The following SLC16A1 variants were observed in gnomAD, a reference collection of about 807,000 sequenced individuals.
The protein encoded by SLC16A1 is monocarboxylate transporter 1.
SLC16A1 carries 11 observed loss-of-function variants against 32.2 expected under a neutral mutation model. The ratio of observed to expected loss-of-function variants is 0.34; its 90% CI spans 0.21 to 0.56. The LOEUF is 0.56. Ranked by LOEUF, SLC16A1 falls within the 20% of genes least tolerant of loss-of-function variation. The pLI is 0.87. For synonymous variants in SLC16A1, 231 were observed against 226.8 expected (o/e 1.02, Z -0.17); for missense variants, 435 against 615.0 (o/e 0.71, Z 3.10).
At chr1:112,940,039 ATTTTTTTTTTTTTT>A (rs55864843) in intron 1 of SLC16A1, among the ~76,000 whole-genome samples, 1 of 108,616 alleles carries the variant, frequency 9.2e-6, no homozygotes, top group Non-Finnish European at 1.9e-5. Flanking sequence ...CTGATGGGTG[ATTTTTTTTTTTTTT>A]TTTTTTTTTT....
chr1:112,917,409 A>G lies in SLC16A1; in HGVS notation c.997T>C (p.Phe333Leu). Residue 333 changes from phenylalanine to leucine, a missense_variant, in exon 4 of 5, where the codon TTT becomes CTT. Physicochemically the swap from Phe to Leu is conservative, Grantham distance 22. Transcript: ENST00000369626. This position sits in a 1 kb window ranked among gnomAD's most constrained non-coding sequence, Gnocchi z 4.1. ...CCATTTGCAACAACGGAAGCCGCAAAGAAATACTGAATTCGAGGTCTTATT... is the reference window on the plus strand; with the variant it reads ...CCATTTGCAACAACGGAAGCCGCAAGGAAATACTGAATTCGAGGTCTTATT... ...KPIRPRIQYF[F>L]AASVVANGVC... 1 of 1,614,280 alleles carries G rather than the reference A, an allele frequency of 6.2e-7. No individual in the cohort carries two copies. The highest frequency in any genetic ancestry group is 8.5e-7 in the Non-Finnish European group (1 of 1,180,054).
intron 3 of SLC16A1, among the ~76,000 whole-genome samples, chr1:112,920,135 TTTC>T (rs1353511086): frequency 6.6e-6 from 1 of 152,226 alleles, no homozygotes; most frequent in Admixed American, 6.5e-5. Flanking sequence ...TAGAGTTATA[TTTC>T]TTTTTTCTCA....
At chr1:112,924,214 T>C (rs977661952) in intron 2 of SLC16A1, 3 of 1,518,042 alleles carry the variant, frequency 2.0e-6, no homozygotes, top group Non-Finnish European at 2.7e-6. Flanking sequence ...ATCCTGGGCA[T>C]GTCCAGCTTG....
intron 4 of SLC16A1, among the ~76,000 whole-genome samples, chr1:112,914,479 T>C (rs866558377): frequency 1.3e-5 from 2 of 152,216 alleles, no homozygotes; most frequent in Admixed American, 1.3e-4. Context: ...GAAATAAGTG[T>C]TGCTAAAAGA....
chr1:112,952,685 C>T (rs1649938890), intron 1 of SLC16A1, among the ~76,000 whole-genome samples: 1 of 152,076 alleles, frequency 6.6e-6, no homozygotes, highest in African/African-American at 2.4e-5. Context: ...AGAGAGAAAT[C>T]GTGTCGCTCA....
chr1:112,938,795 T>TA (rs1385867520), intron 1 of SLC16A1, among the ~76,000 whole-genome samples: 11 of 152,208 alleles, frequency 7.2e-5, no homozygotes, highest in South Asian at 2.1e-4. Context: ...TTATAATCCC[T>TA]AAAAAAATCA....
intron 1 of SLC16A1, among the ~76,000 whole-genome samples, chr1:112,949,271 A>G (rs1649808203): frequency 6.6e-6 from 1 of 151,868 alleles, no homozygotes; most frequent in Non-Finnish European, 1.5e-5. Context: ...CTGGTCTCGA[A>G]CTCTCAACCT....
chr1:112,947,363 C>T (rs1308065279), intron 1 of SLC16A1, among the ~76,000 whole-genome samples: 2 of 152,022 alleles, frequency 1.3e-5, no homozygotes, highest in South Asian at 4.2e-4. Flanking sequence ...AATGAGTATT[C>T]GAATATATTA....
intron 2 of SLC16A1, 138 bp from the exon 3 acceptor site, chr1:112,922,271 C>T (rs919033979): frequency 2.5e-6 from 2 of 791,144 alleles, no homozygotes; most frequent in African/African-American, 1.7e-5. Flanking sequence ...ATAATTACTT[C>T]TGAGTCACAT....
intron 1 of SLC16A1, among the ~76,000 whole-genome samples, chr1:112,946,584 C>A (rs1179591475): frequency 6.6e-6 from 1 of 152,176 alleles, no homozygotes; most frequent in South Asian, 2.1e-4. Flanking sequence ...GAGGGAGTCT[C>A]GCTCTGTCGC....
intron 4 of SLC16A1, among the ~76,000 whole-genome samples, chr1:112,916,355 G>T (rs1257291137): frequency 6.6e-6 from 1 of 151,322 alleles, no homozygotes; most frequent in Non-Finnish European, 1.5e-5. Flanking sequence ...AAAATTAGCT[G>T]GGCATGGTGG....
At chr1:112,915,464 TG>T (rs773249077) in intron 4 of SLC16A1, among the ~76,000 whole-genome samples, 2 of 152,158 alleles carry the variant, frequency 1.3e-5, no homozygotes, top group Non-Finnish European at 2.9e-5. Context: ...GAAGGACAGC[TG>T]GGGCCAGCCC....
At chr1:112,952,648 T>C (rs1233427462) in intron 1 of SLC16A1, among the ~76,000 whole-genome samples, 1 of 152,184 alleles carries the variant, frequency 6.6e-6, no homozygotes, top group East Asian at 1.9e-4. Context: ...AGTAATCCAG[T>C]AGGGTCTGGG....
chr1:112,921,977 A>G lies in SLC16A1; in HGVS notation c.361+13T>C, dbSNP rs776251448. Reference sequence around the variant, plus strand: ...ATAAACTAATGCTTCCAAATGAATCAGTAGTAACTCACCTCCAATGACTCC... The same window carrying G: ...ATAAACTAATGCTTCCAAATGAATCGGTAGTAACTCACCTCCAATGACTCC... On this transcript the variant is annotated intron_variant, in intron 3 of 4. Coordinates refer to ENST00000369626, the MANE Select transcript of SLC16A1 (RefSeq NM_003051.4). 6.2e-7 allele frequency: 1 copy of G among 1,614,092 alleles called. No individual in the cohort carries two copies. The highest frequency in any genetic ancestry group is 8.5e-7 in the Non-Finnish European group (1 of 1,179,950).
chr1:112,923,314 C>T, intron 2 of SLC16A1: 2 of 421,590 alleles, frequency 4.7e-6, no homozygotes, highest in South Asian at 2.1e-5. Flanking sequence ...GTCTCAAAAA[C>T]AAACAAACAG....
At chr1:112,924,351 CG>C in intron 2 of SLC16A1, 2 of 1,290,678 alleles carry the variant, frequency 1.5e-6, no homozygotes. Flanking sequence ...CTAGGCCCAT[CG>C]TTTCTCAGGT....
Position 112,918,020 on chromosome 1 carries a change from T to A in SLC16A1, c.386A>T (p.Asn129Ile). ...IGGLGLAFNL[N>I]PALTMIGKYF... Reference sequence around the variant, plus strand: ...CTTGCCAATCATGGTCAGAGCTGGATTCAAGTTGAAGGCAAGCCCAAGACC... The same window carrying A: ...CTTGCCAATCATGGTCAGAGCTGGAATCAAGTTGAAGGCAAGCCCAAGACC... The change falls in exon 4 of 5, where the codon AAT becomes ATT. Residue 129 changes from asparagine (N) to isoleucine (I), a missense_variant. This residue lies in a region of SLC16A1 where 324 missense variants were observed against 500.3 expected (regional missense o/e 0.65). Transcript: ENST00000369626. 2 of 1,583,398 alleles carry A rather than the reference T, an allele frequency of 1.3e-6. No homozygotes were observed. Among genetic ancestry groups the A allele is most frequent in the Non-Finnish European group, 8.5e-7 (1 of 1,172,032 alleles).
In SLC16A1 at chr1:112,934,956, C is replaced by T. The variant is rs191997839; in HGVS notation, c.-44-5604G>A. Among the ~76,000 whole-genome samples, 19 of 152,262 alleles carry T rather than the reference C, an allele frequency of 1.2e-4. No individual in the cohort carries two copies. In the East Asian group the frequency reaches 2.9e-3, roughly 23 times the overall value. On this transcript the variant is annotated intron_variant, in intron 1 of 4. Coordinates refer to ENST00000369626, the MANE Select transcript of SLC16A1 (RefSeq NM_003051.4). ...GCCAATCTAACACAGTTGGATTAGACACTCAGGAACTATAGGCATAGCAAT... is the reference window on the plus strand; with the variant it reads ...GCCAATCTAACACAGTTGGATTAGATACTCAGGAACTATAGGCATAGCAAT...
Position 112,929,589 on chromosome 1 carries a change from T to C in SLC16A1, c.-44-237A>G, listed in dbSNP as rs557538016. ...AGCTGGGTATGGTGGAGCATGCCTA[T>C]AGTCCCAGCTACTCAGGAGGCTGAG... On this transcript the variant is annotated intron_variant, in intron 1 of 4. Transcript: ENST00000369626. Among the ~76,000 whole-genome samples, 49 of 152,194 alleles carry C rather than the reference T, an allele frequency of 3.2e-4. No individual in the cohort carries two copies. In the South Asian group the frequency reaches 0.01, roughly 32 times the overall value.
Sources: gnomAD v4.1 joint callset for allele counts (sites outside exome capture counted in the v4.1 genomes callset) on GRCh38, gnomAD v4.1.1 for gene constraint, gnomAD v4.1.1 regional missense constraint, Gnocchi (gnomAD v3.1) non-coding constraint, MANE v1.5 for transcripts, NCBI Gene and HGNC (gene_info 2026-07-23, HGNC 2026-07-21) for gene names.